AOPEP: variants seen among roughly 807,000 people sequenced by gnomAD.
AOPEP encodes aminopeptidase O (putative).
A neutral mutation model predicts 98.1 loss-of-function variants in AOPEP; 77 were observed. The ratio of observed to expected loss-of-function variants is 0.78; its 90% CI spans 0.65 to 0.95. The LOEUF (loss-of-function observed/expected upper bound fraction) is 0.95, where lower values mean the gene tolerates loss of function less well. AOPEP is among the 40% of genes least tolerant of loss of function. AOPEP has a pLI of 0.00. For missense variants in AOPEP, 1,024 were observed against 1,024.7 expected, an observed-to-expected ratio of 1.00 and a Z score of 0.01; for synonymous variants, 346 against 365.3, an observed-to-expected ratio of 0.95 and a Z score of 0.60.
intron 3 of AOPEP, among the ~76,000 whole-genome samples, chr9:94,779,965 G>A (rs1385401553): frequency 2.6e-5 from 4 of 152,042 alleles, no homozygotes. Context: ...AGTCCTACAC[G>A]TCCCCATGCA....
rs77618286 is a variant in AOPEP at position 94,919,356 on chromosome 9, G to C, written c.1365-4630G>C. On this transcript the variant is annotated intron_variant, in intron 5 of 16. Coordinates refer to ENST00000375315, the MANE Select transcript of AOPEP (RefSeq NM_001193329.3). ...TATCCCCTCATCTCCTCAGCCTCCC[G>C]TTTAAAGATACACACTGCAGTCGGG... Among the ~76,000 whole-genome samples the C allele has an allele frequency of 2.6e-5, 4 of 152,184 alleles. No homozygotes were observed. In the East Asian group the frequency reaches 7.7e-4, roughly 29 times the overall value.
chr9:94,763,656 G>A (rs1838890325), intron 2 of AOPEP, among the ~76,000 whole-genome samples: 2 of 152,172 alleles, frequency 1.3e-5, no homozygotes, highest in Non-Finnish European at 2.9e-5. Context: ...AAATATACAA[G>A]ATGAGTCTGG....
intron 1 of AOPEP, among the ~76,000 whole-genome samples, chr9:94,731,226 A>G (rs1452200475): frequency 6.7e-6 from 1 of 149,078 alleles, no homozygotes; most frequent in Non-Finnish European, 1.5e-5. Flanking sequence ...AGACTTATCC[A>G]ACTTGTTTTT....
intron 13 of AOPEP, among the ~76,000 whole-genome samples, chr9:95,015,473 T>C (rs1028260687): frequency 1.1e-4 from 17 of 152,216 alleles, no homozygotes; most frequent in African/African-American, 4.1e-4. Flanking sequence ...TTACAATTTT[T>C]ATTTGATGTT....
Position 94,886,412 on chromosome 9 carries a change from G to C in AOPEP, c.1365-37574G>C, listed in dbSNP as rs1323216923. 2.0e-5 allele frequency among the ~76,000 whole-genome samples: 3 copies of C among 152,214 alleles called. No homozygotes were observed. The South Asian group carries it at 6.2e-4, about 32-fold the overall frequency. ...TTAAAAAATCCTTTTTATTCATGTG[G>C]TTTTATAAGCCTAAGCATTTACCAA... On this transcript the variant is annotated intron_variant, in intron 5 of 16. Transcript: ENST00000375315.
chr9:94,941,047 G>C (rs1309123703), intron 7 of AOPEP, among the ~76,000 whole-genome samples: 2 of 152,192 alleles, frequency 1.3e-5, no homozygotes, highest in Non-Finnish European at 1.5e-5. Flanking sequence ...GGCATAAAAG[G>C]AAAGAGTCTG....
chr9:95,068,748 C>G (rs1228934084), intron 14 of AOPEP, among the ~76,000 whole-genome samples: 9 of 152,008 alleles, frequency 5.9e-5, no homozygotes, highest in Admixed American at 5.9e-4. Context: ...TCTTTAGTCT[C>G]TGGGGTTTAT....
chr9:95,041,452 T>G (rs956823413), intron 13 of AOPEP, among the ~76,000 whole-genome samples: 1 of 150,666 alleles, frequency 6.6e-6, no homozygotes, highest in African/African-American at 2.4e-5. Flanking sequence ...TGGGGGTGTG[T>G]GTGTGTGTGT....
intron 11 of AOPEP, among the ~76,000 whole-genome samples, chr9:94,987,986 C>T (rs1298887669): frequency 6.6e-6 from 1 of 152,190 alleles, no homozygotes; most frequent in Non-Finnish European, 1.5e-5. Context: ...AAAGACAGCT[C>T]CCCGGGTAAA....
At chr9:94,918,028 C>T (rs1234381851) in intron 5 of AOPEP, among the ~76,000 whole-genome samples, 1 of 152,126 alleles carries the variant, frequency 6.6e-6, no homozygotes, top group Non-Finnish European at 1.5e-5. Flanking sequence ...CCTCCTGTAG[C>T]TCTTTGAGTT....
At chr9:94,730,282 T>A (rs1168097258) in intron 1 of AOPEP, among the ~76,000 whole-genome samples, 1 of 112,064 alleles carries the variant, frequency 8.9e-6, no homozygotes, top group East Asian at 2.7e-4. Context: ...AGACTCCATC[T>A]CAAAAAAAAA....
chr9:94,736,097 G>A (rs901274207), intron 1 of AOPEP, among the ~76,000 whole-genome samples: 1 of 152,118 alleles, frequency 6.6e-6, no homozygotes, highest in Non-Finnish European at 1.5e-5. Flanking sequence ...GTTTTGCTGT[G>A]CGTATGTTTT....
At chr9:94,832,566 A>G (rs1356502382) in intron 5 of AOPEP, among the ~76,000 whole-genome samples, 8 of 152,228 alleles carry the variant, frequency 5.3e-5, no homozygotes, top group Non-Finnish European at 1.2e-4. Context: ...GAAAATATGC[A>G]CATATACACA....
intron 7 of AOPEP, chr9:94,933,305 A>G (rs1005710923): frequency 6.1e-6 from 6 of 985,392 alleles, no homozygotes; most frequent in Middle Eastern, 5.2e-4. Flanking sequence ...TTCAGTTAGC[A>G]CACTCTGACA....
chr9:94,987,454 C>T (rs1471153161), intron 11 of AOPEP, among the ~76,000 whole-genome samples: 1 of 152,336 alleles, frequency 6.6e-6, no homozygotes, highest in South Asian at 2.1e-4. Context: ...AGAGTCAAAT[C>T]TCAGTGCTGG....
intron 13 of AOPEP, among the ~76,000 whole-genome samples, chr9:95,021,049 A>G (rs2063415828): frequency 6.6e-6 from 1 of 151,680 alleles, no homozygotes; most frequent in African/African-American, 2.4e-5. Flanking sequence ...ATATGTTAGT[A>G]TTGTTTTCTA....
intron 5 of AOPEP, among the ~76,000 whole-genome samples, chr9:94,901,170 A>G (rs2050342265): frequency 1.3e-5 from 2 of 152,232 alleles, no homozygotes; most frequent in South Asian, 4.1e-4. Context: ...CAAGAAATCA[A>G]AATTTCATAA....
chr9:94,847,152 A>ACACT (rs1448564968), intron 5 of AOPEP, among the ~76,000 whole-genome samples: 79 of 140,562 alleles, frequency 5.6e-4, no homozygotes, highest in South Asian at 2.4e-3. Flanking sequence ...ACACACACAC[A>ACACT]CTCTCTCTGT....
At chr9:95,050,153 A>G (rs2066215120) in intron 13 of AOPEP, among the ~76,000 whole-genome samples, 1 of 152,256 alleles carries the variant, frequency 6.6e-6, no homozygotes, top group African/African-American at 2.4e-5. Context: ...TGAATTATTC[A>G]GCTATTTGTG....
Sources: allele counts gnomAD v4.1 joint callset (sites outside exome capture counted in the v4.1 genomes callset), GRCh38; gene constraint gnomAD v4.1.1; transcripts MANE v1.5; gene names NCBI Gene and HGNC (gene_info 2026-07-23, HGNC 2026-07-21).